The following C4orf50 variants were observed in gnomAD, a reference collection of about 807,000 sequenced individuals.
C4orf50 encodes chromosome 4 open reading frame 50, also known as uncharacterized protein C4orf50.
In C4orf50, 80 loss-of-function variants were observed where a neutral mutation model predicts 77.2. That is an observed-to-expected ratio of 1.04 (90% CI 0.87 to 1.25). C4orf50 has a LOEUF of 1.25. C4orf50 is among the 50% of genes most tolerant of loss of function. C4orf50 has a pLI of 0.00. For synonymous variants in C4orf50, 532 were observed against 465.3 expected, an observed-to-expected ratio of 1.14 and a Z score of -1.84; for missense variants, 1,257 against 1,152.9, an observed-to-expected ratio of 1.09 and a Z score of -1.31.
exon 28 of C4orf50, chr4:5,989,463 C>A (rs1721121915): frequency 6.5e-7 from 1 of 1,536,068 alleles, no homozygotes; most frequent in East Asian, 2.4e-5. Context: ...AACAAATACC[C>A]CAATTTCCCC....
At position 5,999,092 on chromosome 4, in the gene C4orf50, C is replaced by T. The variant is rs182253115; in HGVS notation, c.964-4616G>A. On this transcript the variant is annotated intron_variant, in intron 25 of 33. Coordinates refer to ENST00000531445, the Ensembl canonical transcript of C4orf50. ...CAGGTTTGTGGATAGGGCACTGCCC[C>T]GGCTACCTTGCAGAGTTCATGAGTT... 9.2e-5 allele frequency among the ~76,000 whole-genome samples: 14 copies of T among 152,290 alleles called. No individual in the cohort carries two copies. The East Asian group carries it at 2.1e-3, about 23-fold the overall frequency.
rs146660764 is a variant in C4orf50 at position 5,934,448 on chromosome 4, C to A, written c.*2474+22453G>T. Among the ~76,000 whole-genome samples the A allele has an allele frequency of 4.9e-3, 752 of 152,312 alleles. 7 individuals are homozygous for A. Among genetic ancestry groups the A allele is most frequent in the African/African-American group, 0.017 (720 of 41,574 alleles). On this transcript the variant is annotated intron_variant, in intron 7 of 7. Transcript: ENST00000324058. Reference sequence around the variant, plus strand: ...GACTTTGTGTGGCTTGTCATCCCTGCAGGAGAAGCTCCAGGCTCGCTGGTC... The same window carrying A: ...GACTTTGTGTGGCTTGTCATCCCTGAAGGAGAAGCTCCAGGCTCGCTGGTC...
chr4:5,985,072 T>C (rs1720787851), intron 28 of C4orf50, among the ~76,000 whole-genome samples: 1 of 151,912 alleles, frequency 6.6e-6, no homozygotes, highest in South Asian at 2.1e-4. Context: ...CAGAAGACAA[T>C]GGAATGAGAT....
At chr4:5,953,680 C>A (rs1246759328), downstream of C4orf50, among the ~76,000 whole-genome samples, 4 of 152,164 alleles carry the variant, frequency 2.6e-5, no homozygotes, top group Non-Finnish European at 5.9e-5. Context: ...AGGTCCAGCC[C>A]CTCTGGCATT....
At chr4:5,913,959 A>G (rs182984269) in intron 7 of C4orf50, among the ~76,000 whole-genome samples, 1 of 152,352 alleles carries the variant, frequency 6.6e-6, no homozygotes, top group Admixed American at 6.5e-5. Context: ...AATGATAGTC[A>G]TCTCATTACC....
At position 5,988,607 on chromosome 4, in the gene C4orf50, CT is replaced by C; in HGVS notation, c.3438del (p.Ala1147ProfsTer10). 1 of 1,536,244 alleles carries C rather than the reference CT, an allele frequency of 6.5e-7. No individual in the cohort carries two copies. The highest frequency in any genetic ancestry group is 8.7e-7 in the Non-Finnish European group (1 of 1,146,906). ...TCCTCCTCCAAGGGTGGCCCACAGGCTCTTGAAAGCAGCTGTCCTGTGAGTG... is the reference window on the plus strand; with the variant it reads ...TCCTCCTCCAAGGGTGGCCCACAGGCCTTGAAAGCAGCTGTCCTGTGAGTG... On this transcript the variant is annotated frameshift_variant, in exon 28 of 34. Coordinates refer to ENST00000531445, the Ensembl canonical transcript of C4orf50. LOFTEE classifies it high-confidence loss of function.
chr4:5,989,325 G>T, exon 28 of C4orf50: 1 of 1,536,020 alleles, frequency 6.5e-7, no homozygotes, highest in Non-Finnish European at 8.7e-7. Flanking sequence ...CCTGTGGAGG[G>T]TTTGGGCTGG....
intron 30 of C4orf50, among the ~76,000 whole-genome samples, chr4:5,974,666 C>T (rs1241982088): frequency 6.6e-6 from 1 of 152,146 alleles, no homozygotes; most frequent in Non-Finnish European, 1.5e-5. Context: ...AGAGAAAGAG[C>T]AGAGCCCCCA....
chr4:6,015,379 C>A lies in C4orf50; in HGVS notation c.287+2766G>T, dbSNP rs1722644417. On this transcript the variant is annotated intron_variant, in intron 23 of 33. Transcript: ENST00000531445. This position sits in a 1 kb window ranked among gnomAD's most constrained non-coding sequence, Gnocchi z 4.4. ...CAGGGAGAAGGTGGAGTCCACAAGC[C>A]AAGGAGTGAGGCCTCAGGAGAAACC... Among the ~76,000 whole-genome samples, 1 of 152,098 alleles carries A rather than the reference C, an allele frequency of 6.6e-6. No individual in the cohort carries two copies. Among genetic ancestry groups the A allele is most frequent in the African/African-American group, 2.4e-5 (1 of 41,412 alleles).
chr4:5,985,409 A>G (rs1206848603), intron 28 of C4orf50, among the ~76,000 whole-genome samples: 2 of 152,054 alleles, frequency 1.3e-5, no homozygotes, highest in Non-Finnish European at 2.9e-5. Flanking sequence ...AATAAAAAGT[A>G]AAAAGATTAA....
At chr4:5,975,387 A>G (rs1040071431) in intron 30 of C4orf50, among the ~76,000 whole-genome samples, 16 of 152,228 alleles carry the variant, frequency 1.1e-4, no homozygotes, top group African/African-American at 3.9e-4. Context: ...ACGTATACGC[A>G]TCGTAGGCTC....
exon 28 of C4orf50, chr4:5,988,612 G>A (rs6845455): frequency 0.53 from 816,729 of 1,535,848 alleles, 224,213 homozygotes; most frequent in East Asian, 0.89. Flanking sequence ...ACAGGCTCTT[G>A]AAAGCAGCTG....
intron 7 of C4orf50, chr4:5,904,778 T>A (rs1365225695): frequency 6.6e-6 from 1 of 152,192 alleles, no homozygotes. Context: ...GGGAACTCCA[T>A]CCTAGCCCAA....
intron 28 of C4orf50, among the ~76,000 whole-genome samples, chr4:5,981,712 G>A (rs1720599360): frequency 1.3e-5 from 2 of 152,136 alleles, no homozygotes; most frequent in Admixed American, 6.5e-5. Flanking sequence ...CCCGACATGA[G>A]CATCTTTAAG....
rs1717044998 is a variant in C4orf50 at position 5,916,766 on chromosome 4, T to C, written c.*2475-18578A>G. 6.6e-6 allele frequency among the ~76,000 whole-genome samples: 1 copy of C among 152,136 alleles called. No individual in the cohort carries two copies. The highest frequency in any genetic ancestry group is 1.5e-5 in the Non-Finnish European group (1 of 68,020). On this transcript the variant is annotated intron_variant, in intron 7 of 7. Transcript: ENST00000324058. This position sits in a 1 kb window ranked among gnomAD's most constrained non-coding sequence, Gnocchi z 4.4. ...AATAGGGTCACGGCCCCGAGAGCAC[T>C]TCTGTGAAGAGCACAGAAGGCCTCG... is the stretch of plus-strand genomic sequence containing the variant.
rs756544949 is a variant in C4orf50, at chr4:5,989,302, G to A, written c.2744C>T (p.Pro915Leu). 37 of 1,535,974 alleles carry A rather than the reference G, an allele frequency of 2.4e-5. 1 individual carries two copies. The South Asian group carries it at 4.2e-4, about 17-fold the overall frequency. ...CCTCACTCTCTCGAGGGCACCCCAG[G>A]GCTCAGCAGGCCCCTGTGGAGGGTT... is the stretch of plus-strand genomic sequence containing the variant. The change falls in exon 28 of 34, where the codon CCC becomes CTC. Residue 915 changes from proline to leucine, a missense_variant. Pro to Leu is a moderately conservative substitution (Grantham distance 98). Transcript: ENST00000531445.
Position 5,988,797 on chromosome 4 carries a change from C to T in C4orf50, c.3249G>A (p.Arg1083=), listed in dbSNP as rs770371616. Residue 1083 remains arginine (R), a synonymous_variant, in exon 28 of 34, where the codon CGG becomes CGA. Coordinates refer to ENST00000531445, the Ensembl canonical transcript of C4orf50. ...GGTGCTCGTTCTCCCCACTTAAGGC[C>T]CGGATCATGTCTTCTATTCCTAGCA... 5.9e-6 allele frequency: 9 copies of T among 1,535,986 alleles called. No homozygotes were observed. The South Asian group carries it at 9.5e-5, about 16-fold the overall frequency.
chr4:5,975,176 A>AAAAAAAAC (rs1720194444), intron 30 of C4orf50, among the ~76,000 whole-genome samples: 1 of 134,466 alleles, frequency 7.4e-6, no homozygotes, highest in African/African-American at 2.8e-5. Context: ...AAAAAAAAAA[A>AAAAAAAAC]AACTACATCA....
At chr4:5,909,577 T>C (rs566378819) in intron 7 of C4orf50, among the ~76,000 whole-genome samples, 1 of 152,362 alleles carries the variant, frequency 6.6e-6, no homozygotes, top group Non-Finnish European at 1.5e-5. Flanking sequence ...ATCTATAAAA[T>C]CTTTGCTCAG....
Sources: gnomAD v4.1 joint callset for allele counts (sites outside exome capture counted in the v4.1 genomes callset) on GRCh38, gnomAD v4.1.1 for gene constraint, Gnocchi (gnomAD v3.1) non-coding constraint, MANE v1.5 for transcripts, NCBI Gene and HGNC (gene_info 2026-07-23, HGNC 2026-07-21) for gene names.